Variants in MED13 observed in about 807,000 individuals in gnomAD.
MED13 encodes the protein mediator of RNA polymerase II transcription subunit 13.
Under a neutral mutation model 225.2 loss-of-function variants are expected in MED13, and 23 were observed. That is an observed-to-expected ratio of 0.10 (90% CI 0.07 to 0.14). MED13 has a LOEUF of 0.14. Among genes scored for constraint, MED13 ranks in the 10% least tolerant of loss-of-function variants. The pLI, the probability that MED13 is intolerant of heterozygous loss-of-function variation, is 1.00. For missense variants in MED13, 2,197 were observed against 2,594.5 expected (o/e 0.85, Z 3.33); for synonymous variants, 942 against 889.2 (o/e 1.06, Z -1.06).
At chr17:62,028,240 T>C (rs1263208328) in intron 8 of MED13, among the ~76,000 whole-genome samples, 1 of 152,190 alleles carries the variant, frequency 6.6e-6, no homozygotes, top group Non-Finnish European at 1.5e-5. Context: ...AATGAGATCA[T>C]GTCATCTGCA....
intron 8 of MED13, among the ~76,000 whole-genome samples, chr17:62,012,044 C>G (rs376054033): frequency 6.6e-6 from 1 of 151,888 alleles, no homozygotes; most frequent in East Asian, 2.0e-4. Context: ...TGGTAAAACC[C>G]CGTCCTTACA....
At chr17:62,044,246 C>T (rs576115486) in intron 3 of MED13, among the ~76,000 whole-genome samples, 4 of 151,418 alleles carry the variant, frequency 2.6e-5, no homozygotes, top group Admixed American at 6.6e-5. Context: ...AAAAAAAAAT[C>T]GATGAATTTC....
rs1432309549 is a variant in MED13 at position 61,988,549 on chromosome 17, ATACT to A, written c.2264-1425_2264-1422del. Among the ~76,000 whole-genome samples the A allele has an allele frequency of 2.6e-5, 4 of 152,318 alleles. No homozygotes were observed. The East Asian group carries it at 7.7e-4, about 29-fold the overall frequency. The stretch of plus-strand genomic sequence containing the variant: ...ATTTTAAAAGTAAAAATCATCTAAG[ATACT>A]TACTAAAAACCAAGATTTTGAAGCT... On this transcript the variant is annotated intron_variant, in intron 11 of 29. Transcript: ENST00000397786.
At chr17:62,000,919 C>T (rs1174362286) in intron 9 of MED13, among the ~76,000 whole-genome samples, 3 of 152,046 alleles carry the variant, frequency 2.0e-5, no homozygotes, top group Admixed American at 6.6e-5. Flanking sequence ...CCTGCCACCA[C>T]GCCCAGCTAA....
intron 16 of MED13, among the ~76,000 whole-genome samples, chr17:61,974,140 G>A (rs2080133233): frequency 6.6e-6 from 1 of 152,088 alleles, no homozygotes; most frequent in Non-Finnish European, 1.5e-5. Flanking sequence ...GGGCTTGGGT[G>A]GTGGCTCATG....
chr17:62,033,190 T>C (rs1442048284), intron 5 of MED13, among the ~76,000 whole-genome samples: 2 of 151,842 alleles, frequency 1.3e-5, no homozygotes, highest in East Asian at 1.9e-4. Context: ...AATAAAAAAA[T>C]ATAAAAAAAT....
chr17:61,970,622 C>A (rs1020872516), intron 17 of MED13, among the ~76,000 whole-genome samples: 1 of 123,962 alleles, frequency 8.1e-6, no homozygotes, highest in East Asian at 2.6e-4. Flanking sequence ...GCAGAGGGTG[C>A]AGTGAGCTAA....
chr17:61,974,018 C>A (rs957292328), intron 16 of MED13, among the ~76,000 whole-genome samples: 4 of 151,940 alleles, frequency 2.6e-5, no homozygotes, highest in Admixed American at 2.0e-4. Context: ...AAAAAGTGTA[C>A]GGAACTAGAT....
Position 61,949,975 on chromosome 17 carries a change from G to A in MED13, c.6291+850C>T, listed in dbSNP as rs983779001. 4.6e-5 allele frequency among the ~76,000 whole-genome samples: 7 copies of A among 152,110 alleles called. No individual in the cohort carries two copies. In the East Asian group the frequency reaches 5.8e-4, roughly 13 times the overall value. On this transcript the variant is annotated intron_variant, in intron 28 of 29. Transcript: ENST00000397786. Reference sequence around the variant, plus strand: ...TGGGATTACAGGCATGAGCCACTGCGCCCAGCCCAAGATTATAAATCTTTT... The same window carrying A: ...TGGGATTACAGGCATGAGCCACTGCACCCAGCCCAAGATTATAAATCTTTT...
intron 17 of MED13, among the ~76,000 whole-genome samples, chr17:61,970,435 C>T (rs1303831768): frequency 6.6e-6 from 1 of 152,082 alleles, no homozygotes; most frequent in East Asian, 1.9e-4. Flanking sequence ...AATCTCAGCA[C>T]TTTGGGAGGC....
At chr17:61,955,880 A>T (rs1360480090) in intron 24 of MED13, 42 bp from the exon 25 acceptor site, 9 of 1,438,874 alleles carry the variant, frequency 6.3e-6, no homozygotes, top group South Asian at 1.5e-5. Flanking sequence ...AAAAAAAAAA[A>T]ATCAAAGTAA....
chr17:62,006,724 C>G (rs954339171), intron 9 of MED13: 2 of 151,308 alleles, frequency 1.3e-5, no homozygotes, highest in Non-Finnish European at 2.9e-5. Flanking sequence ...GTAAGGAGTT[C>G]GAGACCAGCC....
intron 8 of MED13, among the ~76,000 whole-genome samples, chr17:62,015,938 ATATATATATATATATATTTTTTTTTT>A (rs1368719191): frequency 1.4e-3 from 13 of 9,002 alleles, no homozygotes; most frequent in African/African-American, 3.3e-3. Context: ...ATATATATAT[ATATATATATATATATATTTTTTTTTT>A]TTTTTTTTTT....
rs922222123 is a variant in MED13, at chr17:61,944,913, A to C, written c.*1555T>G. ...TTTCAAGGGGGTACAGCCTGCATAA[A>C]AGCAGTTATCTTGGCATGTGCAAAC... On this transcript the variant is annotated 3_prime_UTR_variant, in exon 30 of 30. Coordinates refer to ENST00000397786, the MANE Select transcript of MED13 (RefSeq NM_005121.3). 1 of 152,604 alleles carries C rather than the reference A, an allele frequency of 6.6e-6. No individual in the cohort carries two copies. The highest frequency in any genetic ancestry group is 1.5e-5 in the Non-Finnish European group (1 of 68,042). 9.5% of individuals were successfully genotyped at this position (152,604 alleles called of 1,614,324 possible).
chr17:61,974,504 C>T (rs1049916846), intron 16 of MED13, among the ~76,000 whole-genome samples: 7 of 151,896 alleles, frequency 4.6e-5, no homozygotes, highest in African/African-American at 1.5e-4. Flanking sequence ...CCCCAGGACA[C>T]AAGTTTACCT....
At chr17:61,975,177 G>A (rs541452173) in intron 16 of MED13, among the ~76,000 whole-genome samples, 137 of 151,786 alleles carry the variant, frequency 9.0e-4, no homozygotes, top group African/African-American at 3.1e-3. Context: ...CAGAGTACAG[G>A]AGAAAATATA....
chr17:61,957,791 CAT>C (rs2079960833), intron 23 of MED13, among the ~76,000 whole-genome samples: 1 of 152,228 alleles, frequency 6.6e-6, no homozygotes, highest in Admixed American at 6.5e-5. Context: ...AACATTGTTA[CAT>C]GTTTTCTGCA....
In MED13 at chr17:62,029,523, G is replaced by T; in HGVS notation, c.1283+18C>A. 1 of 1,587,238 alleles carries T rather than the reference G, an allele frequency of 6.3e-7. No homozygotes were observed. Among genetic ancestry groups the T allele is most frequent in the Non-Finnish European group, 8.7e-7 (1 of 1,155,952 alleles). ...AAACTATCACACATAGGCATCAATCGATCGGGAAATAATCTACCTCAAACA... is the reference window on the plus strand; with the variant it reads ...AAACTATCACACATAGGCATCAATCTATCGGGAAATAATCTACCTCAAACA... On this transcript the variant is annotated intron_variant, in intron 8 of 29. Coordinates refer to ENST00000397786, the MANE Select transcript of MED13 (RefSeq NM_005121.3).
chr17:62,044,261 T>C (rs763190348), intron 3 of MED13, among the ~76,000 whole-genome samples: 47 of 152,178 alleles, frequency 3.1e-4, no homozygotes, highest in Non-Finnish European at 5.7e-4. Flanking sequence ...AATTTCTTTA[T>C]TGAAGCACCA....
Sources: allele counts gnomAD v4.1 joint callset (sites outside exome capture counted in the v4.1 genomes callset), GRCh38; gene constraint gnomAD v4.1.1; transcripts MANE v1.5; gene names NCBI Gene and HGNC (gene_info 2026-07-23, HGNC 2026-07-21).